C1orf21: variants seen among roughly 807,000 people sequenced by gnomAD.
C1orf21 encodes chromosome 1 open reading frame 21.
C1orf21 carries 3 observed loss-of-function variants against 18.7 expected under a neutral mutation model. That is an observed-to-expected ratio of 0.16 (90% CI 0.07 to 0.42). The LOEUF is 0.42. Among genes scored for constraint, C1orf21 ranks in the 10% least tolerant of loss-of-function variants. C1orf21 has a pLI of 0.99. For missense variants in C1orf21, 104 were observed against 143.6 expected (o/e 0.72, Z 1.41); for synonymous variants, 41 against 46.4 (o/e 0.88, Z 0.47).
At position 184,590,762 on chromosome 1, in the gene C1orf21, A is replaced by G. The variant is rs765431561; in HGVS notation, c.213A>G (p.Val71=). The change falls in exon 4 of 6, where the codon GTA becomes GTG. Residue 71 remains valine, a synonymous_variant. Coordinates refer to ENST00000235307, the MANE Select transcript of C1orf21 (RefSeq NM_030806.4). ...ENLEKSASSN[V]RLKTNKEVPG... The stretch of plus-strand genomic sequence containing the variant: ...AGGAAAAAAGTGCCAGCTCAAATGT[A>G]AGACTTAAAACTAATAAAGAGGTTC... The G allele has an allele frequency of 1.2e-6, 2 of 1,614,100 alleles. No homozygotes were observed. The highest frequency in any genetic ancestry group is 1.7e-6 in the Non-Finnish European group (2 of 1,179,932).
intron 3 of C1orf21, among the ~76,000 whole-genome samples, chr1:184,556,153 G>A (rs990606472): frequency 6.6e-6 from 1 of 152,066 alleles, no homozygotes; most frequent in African/African-American, 2.4e-5. Flanking sequence ...GGATTCTCAT[G>A]GGGTTTTATT....
intron 3 of C1orf21, among the ~76,000 whole-genome samples, chr1:184,582,291 C>G (rs965554551): frequency 1.6e-4 from 24 of 152,312 alleles, no homozygotes; most frequent in Admixed American, 1.5e-3. Context: ...TATTTTATAG[C>G]CAAATTTTTA....
rs1029735762 is a variant in C1orf21, at chr1:184,571,229, G to A, written c.190-19510G>A. On this transcript the variant is annotated intron_variant, in intron 3 of 5. Coordinates refer to ENST00000235307, the MANE Select transcript of C1orf21 (RefSeq NM_030806.4). ...GGAGAATGGCGTGAACCCGGGAGGC[G>A]GAGCTTGCAGTGAGCCGAGATCCCG... Among the ~76,000 whole-genome samples, 976 of 149,338 alleles carry A rather than the reference G, an allele frequency of 6.5e-3. 8 individuals are homozygous for A. The highest frequency in any genetic ancestry group is 0.022 in the African/African-American group (896 of 40,700).
chr1:184,401,987 A>G (rs1426631025), intron 1 of C1orf21, among the ~76,000 whole-genome samples: 2 of 152,186 alleles, frequency 1.3e-5, no homozygotes, highest in Non-Finnish European at 1.5e-5. Context: ...TTCATCATAA[A>G]TGCTTGATCT....
chr1:184,541,358 A>G (rs1025157876), intron 3 of C1orf21, among the ~76,000 whole-genome samples: 1 of 152,134 alleles, frequency 6.6e-6, no homozygotes, highest in African/African-American at 2.4e-5. Context: ...AATGACTTTG[A>G]GCACCATCCT....
At chr1:184,485,374 A>G (rs2101994003) in intron 2 of C1orf21, among the ~76,000 whole-genome samples, 1 of 152,322 alleles carries the variant, frequency 6.6e-6, no homozygotes, top group South Asian at 2.1e-4. Flanking sequence ...ATATATGAAG[A>G]TGAATTTCAC....
intron 3 of C1orf21, among the ~76,000 whole-genome samples, chr1:184,529,574 C>T (rs1658427729): frequency 6.6e-6 from 1 of 152,142 alleles, no homozygotes; most frequent in East Asian, 1.9e-4. Context: ...AGACAAAAAT[C>T]TGGAGATGTA....
intron 1 of C1orf21, among the ~76,000 whole-genome samples, chr1:184,414,388 C>A (rs1232227073): frequency 2.0e-5 from 3 of 152,134 alleles, no homozygotes; most frequent in Non-Finnish European, 4.4e-5. Flanking sequence ...CTCGGCGTTT[C>A]AAAGTGTGAG....
At chr1:184,567,856 A>G (rs1256368154) in intron 3 of C1orf21, 1 of 215,664 alleles carries the variant, frequency 4.6e-6, no homozygotes, top group African/African-American at 2.3e-5. Flanking sequence ...ACCACAAGGA[A>G]TGAACCACAC....
At chr1:184,475,070 A>T (rs1283581738) in intron 1 of C1orf21, among the ~76,000 whole-genome samples, 1 of 152,170 alleles carries the variant, frequency 6.6e-6, no homozygotes, top group Non-Finnish European at 1.5e-5. Context: ...TCCGGGTTAG[A>T]GAGGGGATTC....
chr1:184,521,975 A>G (rs1480921475), intron 3 of C1orf21, among the ~76,000 whole-genome samples: 1 of 152,214 alleles, frequency 6.6e-6, no homozygotes, highest in Non-Finnish European at 1.5e-5. Context: ...GGAGGTAATA[A>G]TTAACAATTC....
chr1:184,469,580 TGA>T (rs1485924507), intron 1 of C1orf21, among the ~76,000 whole-genome samples: 1 of 152,232 alleles, frequency 6.6e-6, no homozygotes, highest in Non-Finnish European at 1.5e-5. Flanking sequence ...TGCAGGTTTC[TGA>T]GAGATTAATC....
At chr1:184,563,728 G>A (rs993351818) in intron 3 of C1orf21, among the ~76,000 whole-genome samples, 2 of 152,092 alleles carry the variant, frequency 1.3e-5, no homozygotes, top group Non-Finnish European at 2.9e-5. Flanking sequence ...ATCCATTGTC[G>A]CTGCTTTGGT....
intron 1 of C1orf21, among the ~76,000 whole-genome samples, chr1:184,452,572 A>G (rs891519755): frequency 6.6e-6 from 1 of 152,228 alleles, no homozygotes; most frequent in Non-Finnish European, 1.5e-5. Context: ...CGTAACCACC[A>G]CGTTGATTGT....
intron 3 of C1orf21, among the ~76,000 whole-genome samples, chr1:184,538,408 C>T (rs866297126): frequency 2.6e-5 from 4 of 151,968 alleles, no homozygotes; most frequent in Non-Finnish European, 5.9e-5. Flanking sequence ...TTTCTCATTC[C>T]GTAGGTTGCC....
At chr1:184,413,030 C>T (rs754582050) in intron 1 of C1orf21, among the ~76,000 whole-genome samples, 24 of 152,256 alleles carry the variant, frequency 1.6e-4, no homozygotes, top group South Asian at 2.1e-4. Flanking sequence ...TGAGACACCA[C>T]GTTTTACACA....
chr1:184,551,563 C>T (rs1380153411), intron 3 of C1orf21, among the ~76,000 whole-genome samples: 1 of 152,202 alleles, frequency 6.6e-6, no homozygotes, highest in Non-Finnish European at 1.5e-5. Context: ...TGAGGATCTT[C>T]CCTCACTGGG....
intron 2 of C1orf21, among the ~76,000 whole-genome samples, chr1:184,502,583 G>A (rs1196460987): frequency 1.3e-5 from 2 of 151,884 alleles, no homozygotes; most frequent in Admixed American, 6.6e-5. Flanking sequence ...GATACAAAAG[G>A]CATATGAGAA....
intron 3 of C1orf21, among the ~76,000 whole-genome samples, chr1:184,509,086 C>A (rs1395701573): frequency 6.6e-6 from 1 of 152,134 alleles, no homozygotes; most frequent in African/African-American, 2.4e-5. Context: ...GGCTAGAGAG[C>A]TACTTGTGAG....
Sources: gnomAD v4.1 joint callset for allele counts (sites outside exome capture counted in the v4.1 genomes callset) on GRCh38, gnomAD v4.1.1 for gene constraint, MANE v1.5 for transcripts, NCBI Gene and HGNC (gene_info 2026-07-23, HGNC 2026-07-21) for gene names.